Variants in SCHIP1 observed in about 807,000 individuals in gnomAD.
SCHIP1 encodes the protein schwannomin interacting protein 1.
A neutral mutation model predicts 29.7 loss-of-function variants in SCHIP1; 8 were observed. The observed-to-expected ratio is 0.27, with a 90% confidence interval of 0.16 to 0.49. The LOEUF is 0.49. SCHIP1 is among the 20% of genes least tolerant of loss of function. SCHIP1 has a pLI of 0.99. For missense variants in SCHIP1, 193 were observed against 294.6 expected (o/e 0.66, Z 2.52); for synonymous variants, 76 against 94.9 (o/e 0.80, Z 1.16).
the SCHIP1 span, among the ~76,000 whole-genome samples, chr3:159,452,225 G>A: frequency 6.6e-6 from 1 of 150,638 alleles, no homozygotes. Flanking sequence ...GTGCTTTGCT[G>A]TACCTCTCAA....
chr3:159,386,655 A>T, the SCHIP1 span: 3 of 152,256 alleles, frequency 2.0e-5, no homozygotes, highest in Non-Finnish European at 2.9e-5. Context: ...CTACAAGGCT[A>T]CAGTAACCAA....
the SCHIP1 span, among the ~76,000 whole-genome samples, chr3:159,704,913 TTTCTTTC>T: frequency 8.1e-6 from 1 of 124,094 alleles, no homozygotes; most frequent in African/African-American, 3.8e-5. Context: ...TCTTTATTTC[TTTCTTTC>T]TTTCTTTCTT....
At chr3:159,530,402 A>AT in the SCHIP1 span, among the ~76,000 whole-genome samples, 9 of 152,088 alleles carry the variant, frequency 5.9e-5, 1 homozygote, top group Admixed American at 5.9e-4. Context: ...TGACCACCAT[A>AT]TGGCACCAAC....
At chr3:159,450,964 A>T in the SCHIP1 span, among the ~76,000 whole-genome samples, 373 of 151,488 alleles carry the variant, frequency 2.5e-3, no homozygotes, top group Non-Finnish European at 3.9e-3. Flanking sequence ...ACCCACCACC[A>T]CGCCCAGCTA....
the SCHIP1 span, among the ~76,000 whole-genome samples, chr3:159,386,234 T>C: frequency 6.6e-6 from 1 of 152,154 alleles, no homozygotes; most frequent in Non-Finnish European, 1.5e-5. Flanking sequence ...CTGGGTCAAA[T>C]GGTATTTCTG....
the SCHIP1 span, among the ~76,000 whole-genome samples, chr3:159,496,511 T>C: frequency 3.3e-5 from 5 of 152,102 alleles, no homozygotes; most frequent in African/African-American, 7.2e-5. Flanking sequence ...AAAATGCTCA[T>C]CATCACTGGC....
chr3:159,681,522 TAA>T, the SCHIP1 span, among the ~76,000 whole-genome samples: 1 of 152,232 alleles, frequency 6.6e-6, no homozygotes, highest in African/African-American at 2.4e-5. Flanking sequence ...ATAGCATGGA[TAA>T]AAGTTTGTAT....
At chr3:159,603,937 C>T in the SCHIP1 span, among the ~76,000 whole-genome samples, 2 of 152,094 alleles carry the variant, frequency 1.3e-5, no homozygotes, top group African/African-American at 4.8e-5. Flanking sequence ...ATAACAGACC[C>T]ACTCTTGCCA....
chr3:159,618,779 T>C, the SCHIP1 span, among the ~76,000 whole-genome samples: 3 of 152,382 alleles, frequency 2.0e-5, no homozygotes, highest in African/African-American at 7.2e-5. Context: ...CTCTGAGTGC[T>C]GGCCATAAGC....
At chr3:159,704,900 CTTTCTTTA>C in the SCHIP1 span, among the ~76,000 whole-genome samples, 5,047 of 62,144 alleles carry the variant, frequency 0.081, 97 homozygotes, top group African/African-American at 0.14. Context: ...TTCTTTCTTT[CTTTCTTTA>C]TTTCTTTCTT....
chr3:159,827,531 T>C, the SCHIP1 span, among the ~76,000 whole-genome samples: 1 of 152,184 alleles, frequency 6.6e-6, no homozygotes, highest in Non-Finnish European at 1.5e-5. Flanking sequence ...AAATAATTTT[T>C]TTGAAAATAG....
At chr3:159,398,950 C>A in the SCHIP1 span, 102 of 983,736 alleles carry the variant, frequency 1.0e-4, no homozygotes, top group Non-Finnish European at 1.2e-4. Context: ...ATTATTCAAA[C>A]AAGTGTGGGC....
chr3:159,571,669 G>A, the SCHIP1 span, among the ~76,000 whole-genome samples: 1 of 152,088 alleles, frequency 6.6e-6, no homozygotes, highest in Non-Finnish European at 1.5e-5. Context: ...TTCCCTCTTT[G>A]TCTATTGATT....
chr3:159,422,557 G>T, the SCHIP1 span, among the ~76,000 whole-genome samples: 1 of 152,116 alleles, frequency 6.6e-6, no homozygotes, highest in African/African-American at 2.4e-5. Context: ...ACAACACCCA[G>T]ATCAAGAAAC....
the SCHIP1 span, among the ~76,000 whole-genome samples, chr3:159,701,332 T>C: frequency 6.6e-6 from 1 of 152,186 alleles, no homozygotes; most frequent in Non-Finnish European, 1.5e-5. Flanking sequence ...GAGCACAAAG[T>C]ACAGAGTTCC....
At chr3:159,321,315 T>C in the SCHIP1 span, among the ~76,000 whole-genome samples, 2 of 152,198 alleles carry the variant, frequency 1.3e-5, no homozygotes, top group Non-Finnish European at 2.9e-5. Context: ...CATGTATTCA[T>C]TGCGTCCTCA....
chr3:159,750,213 C>G, the SCHIP1 span, among the ~76,000 whole-genome samples: 4 of 148,942 alleles, frequency 2.7e-5, no homozygotes, highest in Admixed American at 2.0e-4. Flanking sequence ...TTTGTCCAAG[C>G]AGATGCACTG....
At chr3:159,873,253 A>T (rs531234757) in intron 2 of SCHIP1, among the ~76,000 whole-genome samples, 2 of 152,344 alleles carry the variant, frequency 1.3e-5, no homozygotes, top group Non-Finnish European at 2.9e-5. Flanking sequence ...CTAAATGCTA[A>T]GCTTACTTTT....
the SCHIP1 span, among the ~76,000 whole-genome samples, chr3:159,650,764 A>G: frequency 6.6e-6 from 1 of 152,236 alleles, no homozygotes; most frequent in African/African-American, 2.4e-5. Flanking sequence ...TCATGCAGCC[A>G]TTTGCAAGAG....
Sources: gnomAD v4.1 joint callset for allele counts (sites outside exome capture counted in the v4.1 genomes callset) on GRCh38, gnomAD v4.1.1 for gene constraint, MANE v1.5 for transcripts, NCBI Gene and HGNC (gene_info 2026-07-23, HGNC 2026-07-21) for gene names.